ABHD18: variants seen among roughly 807,000 people sequenced by gnomAD.
ABHD18 encodes abhydrolase domain containing 18.
ABHD18 carries 55 observed loss-of-function variants against 65.9 expected under a neutral mutation model. The observed-to-expected ratio is 0.84, with a 90% CI of 0.67 to 1.05. The LOEUF is 1.05. ABHD18 is among the 50% of genes least tolerant of loss of function. The pLI, the probability that ABHD18 is intolerant of heterozygous loss-of-function variation, is 0.00. For synonymous variants in ABHD18, 181 were observed against 180.2 expected (o/e 1.00, Z -0.04); for missense variants, 533 against 558.5 (o/e 0.95, Z 0.46).
intron 11 of ABHD18, 100 bp from the exon 12 acceptor site, chr4:128,030,410 C>CA: frequency 1.3e-6 from 1 of 793,900 alleles, no homozygotes; most frequent in East Asian, 3.2e-5. Context: ...TTAATTTAAT[C>CA]AAAAATGTTT....
chr4:128,024,230 TAGAG>T (rs1007407630), intron 10 of ABHD18, among the ~76,000 whole-genome samples: 68 of 152,068 alleles, frequency 4.5e-4, no homozygotes, highest in Admixed American at 3.1e-3. Context: ...GCAAAAGAGA[TAGAG>T]GGAGGGAAGA....
intron 3 of ABHD18, among the ~76,000 whole-genome samples, chr4:127,985,720 C>G (rs1241355816): frequency 6.6e-6 from 1 of 152,022 alleles, no homozygotes; most frequent in African/African-American, 2.4e-5. Flanking sequence ...GATCTACTAC[C>G]CTTAGTTTTT....
intron 4 of ABHD18, among the ~76,000 whole-genome samples, chr4:128,008,641 A>C (rs140963512): frequency 1.2e-4 from 19 of 152,216 alleles, no homozygotes; most frequent in African/African-American, 4.3e-4. Context: ...AAATTTCTTT[A>C]TGTATTTATT....
intron 12 of ABHD18, among the ~76,000 whole-genome samples, chr4:128,032,337 G>A (rs1317942545): frequency 6.6e-6 from 1 of 152,130 alleles, no homozygotes; most frequent in East Asian, 1.9e-4. Context: ...GAGGTTAGAT[G>A]ACATTGGAAT....
intron 10 of ABHD18, among the ~76,000 whole-genome samples, chr4:128,026,945 G>T (rs1234869885): frequency 2.0e-5 from 3 of 151,672 alleles, no homozygotes; most frequent in Admixed American, 2.0e-4. Context: ...ACCACACCTG[G>T]CTAATTTTTA....
chr4:128,008,978 C>G lies in ABHD18; in HGVS notation c.337C>G (p.Leu113Val). 1 of 1,610,064 alleles carries G rather than the reference C, an allele frequency of 6.2e-7. No homozygotes were observed. The highest frequency in any genetic ancestry group is 1.1e-5 in the South Asian group (1 of 89,424). The change falls in exon 5 of 13, where the codon CTT becomes GTT. Residue 113 changes from leucine (L) to valine (V), a missense_variant. This residue lies in a region of ABHD18 where 309 missense variants were observed against 313.5 expected (regional missense o/e 0.99). Transcript: ENST00000645843. ...CAAATATAGACCTGTATGCATTCAT[C>G]TTGCTGGAACAGGAGATCATGTAAG... is the stretch of plus-strand genomic sequence containing the variant. ...NSKYRPVCIH[L>V]AGTGDHHYWR... is the part of the protein sequence containing the mutation.
chr4:128,027,447 C>G (rs1197866204), intron 10 of ABHD18, among the ~76,000 whole-genome samples: 1 of 151,762 alleles, frequency 6.6e-6, no homozygotes, highest in Non-Finnish European at 1.5e-5. Flanking sequence ...ACTCTGTCGC[C>G]CAGGCTGAAG....
At chr4:127,984,540 G>T (rs1311144419) in intron 3 of ABHD18, 117 bp downstream of exon 3, 2 of 540,380 alleles carry the variant, frequency 3.7e-6, no homozygotes, top group Non-Finnish European at 6.4e-6. Context: ...GTGCCGTATG[G>T]ATTTTTCATT....
At chr4:128,022,834 G>T (rs1232244211) in intron 10 of ABHD18, among the ~76,000 whole-genome samples, 1 of 148,112 alleles carries the variant, frequency 6.8e-6, no homozygotes, top group Non-Finnish European at 1.5e-5. Flanking sequence ...CACGATCTTA[G>T]CTCTCAGCTC....
chr4:127,966,410 A>T (rs1027263421), intron 1 of ABHD18, among the ~76,000 whole-genome samples: 2 of 152,154 alleles, frequency 1.3e-5, no homozygotes, highest in African/African-American at 4.8e-5. Context: ...ACCAAACTTA[A>T]TTTTTTTAAA....
At chr4:127,997,297 A>T (rs919037518) in intron 4 of ABHD18, among the ~76,000 whole-genome samples, 1 of 152,234 alleles carries the variant, frequency 6.6e-6, no homozygotes, top group Non-Finnish European at 1.5e-5. Flanking sequence ...ATTGATTTGC[A>T]TCTAATACAG....
intron 9 of ABHD18, 40 bp from the exon 10 acceptor site, chr4:128,021,097 T>G (rs1234872725): frequency 7.7e-7 from 1 of 1,300,730 alleles, no homozygotes; most frequent in Non-Finnish European, 1.1e-6. Flanking sequence ...GCAAATTGCC[T>G]TATGATGTGG....
chr4:127,965,705 A>ACGC (rs1378064603), intron 1 of ABHD18, 99 bp downstream of exon 1: 1 of 169,544 alleles, frequency 5.9e-6, no homozygotes, highest in Non-Finnish European at 1.3e-5. Context: ...GGGGACGCGG[A>ACGC]GCTGGGCGGG....
chr4:127,982,779 A>G (rs763138172), intron 1 of ABHD18, among the ~76,000 whole-genome samples, 160 bp from the exon 2 acceptor site: 4 of 152,182 alleles, frequency 2.6e-5, no homozygotes, highest in African/African-American at 7.2e-5. Context: ...TTTTCAACTC[A>G]GCTCTTTTTT....
At chr4:128,001,922 A>G (rs1035766139) in intron 4 of ABHD18, among the ~76,000 whole-genome samples, 6 of 150,928 alleles carry the variant, frequency 4.0e-5, no homozygotes, top group African/African-American at 1.2e-4. Context: ...ATTTTCATCT[A>G]TTATTTTTGC....
chr4:128,027,672 G>A (rs376729228), intron 10 of ABHD18, among the ~76,000 whole-genome samples: 7 of 152,186 alleles, frequency 4.6e-5, no homozygotes, highest in African/African-American at 1.4e-4. Flanking sequence ...CCAAAGTGCC[G>A]GGATTACAGG....
chr4:128,012,038 T>C (rs1754672150), intron 7 of ABHD18, among the ~76,000 whole-genome samples: 1 of 151,850 alleles, frequency 6.6e-6, no homozygotes, highest in Admixed American at 6.6e-5. Context: ...AGTGCACTGG[T>C]GCGATCTCAG....
rs1299619278 is a variant in ABHD18, at chr4:128,037,876, TTTATG to T, written c.*2067_*2071del. The T allele has an allele frequency of 1.3e-5, 2 of 152,086 alleles. No individual in the cohort carries two copies. The highest frequency in any genetic ancestry group is 2.9e-5 in the Non-Finnish European group (2 of 68,026). 9.4% of individuals were successfully genotyped at this position (152,086 alleles called of 1,614,324 possible). Reference sequence around the variant, plus strand: ...ATATGGCTCGATTTGGTGCTTTCTTTTTATGTTAAACTTCTCTAGCTGTCAGCTAA... The same window carrying T: ...ATATGGCTCGATTTGGTGCTTTCTTTTTAAACTTCTCTAGCTGTCAGCTAA... On this transcript the variant is annotated 3_prime_UTR_variant, in exon 13 of 13. Transcript: ENST00000645843.
chr4:127,986,700 A>G (rs749246224), intron 3 of ABHD18, among the ~76,000 whole-genome samples: 7 of 152,188 alleles, frequency 4.6e-5, no homozygotes, highest in Admixed American at 2.6e-4. Context: ...AAACATTCCA[A>G]TTTTGCCATA....
Sources: gnomAD v4.1 joint callset for allele counts (sites outside exome capture counted in the v4.1 genomes callset) on GRCh38, gnomAD v4.1.1 for gene constraint, gnomAD v4.1.1 regional missense constraint, MANE v1.5 for transcripts, NCBI Gene and HGNC (gene_info 2026-07-23, HGNC 2026-07-21) for gene names.